COMMD10: variants seen among roughly 807,000 people sequenced by gnomAD.
The protein encoded by COMMD10 is COMM domain containing 10.
A neutral mutation model predicts 28.9 loss-of-function variants in COMMD10; 33 were observed. The ratio of observed to expected loss-of-function variants is 1.14; its 90% CI spans 0.87 to 1.53. COMMD10 has a LOEUF of 1.53. COMMD10 is among the 40% of genes most tolerant of loss of function. The probability of loss-of-function intolerance (pLI) is 0.00; values close to 1 mark genes in which losing one functional copy is unlikely to be tolerated. For synonymous variants in COMMD10, 110 were observed against 81.7 expected, an observed-to-expected ratio of 1.35 and a Z score of -1.87; for missense variants, 310 against 233.4, an observed-to-expected ratio of 1.33 and a Z score of -2.14.
intron 5 of COMMD10, among the ~76,000 whole-genome samples, chr5:116,272,768 G>A (rs1036013240): frequency 1.3e-5 from 2 of 151,980 alleles, no homozygotes. Context: ...CATCCATCTA[G>A]TGGACAGTTT....
intron 5 of COMMD10, among the ~76,000 whole-genome samples, chr5:116,165,250 C>A (rs556523078): frequency 5.3e-5 from 8 of 152,124 alleles, no homozygotes; most frequent in Non-Finnish European, 7.4e-5. Flanking sequence ...TTTAAAATAT[C>A]CCCTTAATCG....
chr5:116,085,092 A>G lies in COMMD10; in HGVS notation c.40A>G (p.Ser14Gly). The G allele has an allele frequency of 6.2e-7, 1 of 1,609,922 alleles. No individual in the cohort carries two copies. The highest frequency in any genetic ancestry group is 8.5e-7 in the Non-Finnish European group (1 of 1,178,950). The change falls in exon 1 of 7, where the codon AGC becomes GGC. Residue 14 changes from serine (S) to glycine (G), a missense_variant and splice_region_variant. Physicochemically the swap from Ser to Gly is moderately conservative, Grantham distance 56 (BLOSUM62 0). Coordinates refer to ENST00000274458, the MANE Select transcript of COMMD10 (RefSeq NM_016144.4). ...GGCGCTGATCCTACGGGAGAGCCCC[A>G]GGTAGCTGATCCGTTAAGCTCTTGC... ...PAALILRESP[S>G]MKKAVSLINA...
chr5:116,285,661 A>G (rs761012870), intron 5 of COMMD10, among the ~76,000 whole-genome samples: 3 of 152,094 alleles, frequency 2.0e-5, no homozygotes, highest in Non-Finnish European at 2.9e-5. Context: ...ACACTAATCA[A>G]TTTTCATATG....
At chr5:116,270,866 G>A (rs1750734123) in intron 5 of COMMD10, among the ~76,000 whole-genome samples, 1 of 148,796 alleles carries the variant, frequency 6.7e-6, no homozygotes, top group Non-Finnish European at 1.5e-5. Flanking sequence ...TTGTACCTGG[G>A]AGGTGGAGGT....
intron 5 of COMMD10, among the ~76,000 whole-genome samples, chr5:116,212,798 G>T (rs1299744274): frequency 6.6e-6 from 1 of 151,974 alleles, no homozygotes; most frequent in African/African-American, 2.4e-5. Context: ...GAAAATGTAT[G>T]TTAGAATTTT....
At chr5:116,116,578 T>C (rs1302893923) in intron 4 of COMMD10, among the ~76,000 whole-genome samples, 1 of 152,234 alleles carries the variant, frequency 6.6e-6, no homozygotes, top group African/African-American at 2.4e-5. Context: ...AGTTTCGGTA[T>C]GTTATGTAAA....
intron 5 of COMMD10, among the ~76,000 whole-genome samples, chr5:116,199,205 G>A (rs1183674213): frequency 1.3e-5 from 2 of 152,092 alleles, no homozygotes; most frequent in African/African-American, 4.8e-5. Flanking sequence ...TTTCTCTACT[G>A]ACATACGGTG....
intron 4 of COMMD10, among the ~76,000 whole-genome samples, chr5:116,098,540 A>G (rs1750541464): frequency 6.6e-6 from 1 of 152,246 alleles, no homozygotes; most frequent in Non-Finnish European, 1.5e-5. Flanking sequence ...CACAGAAATG[A>G]TGTGTTGTCA....
intron 5 of COMMD10, among the ~76,000 whole-genome samples, chr5:116,187,847 T>A (rs1024024109): frequency 6.6e-6 from 1 of 151,974 alleles, no homozygotes; most frequent in Non-Finnish European, 1.5e-5. Flanking sequence ...GTACTTTCTT[T>A]ATACCTTACA....
chr5:116,266,436 A>G (rs893502197), intron 5 of COMMD10, among the ~76,000 whole-genome samples: 1 of 151,746 alleles, frequency 6.6e-6, no homozygotes, highest in Non-Finnish European at 1.5e-5. Flanking sequence ...TTTATTTCAT[A>G]TGAAAATATT....
At chr5:116,259,118 A>G (rs1005316249) in intron 5 of COMMD10, among the ~76,000 whole-genome samples, 8 of 139,232 alleles carry the variant, frequency 5.7e-5, no homozygotes, top group African/African-American at 2.2e-4. Context: ...GCTGGGATGC[A>G]GTGATGCAAT....
intron 4 of COMMD10, among the ~76,000 whole-genome samples, chr5:116,130,225 T>C (rs956396929): frequency 6.6e-6 from 1 of 151,890 alleles, no homozygotes; most frequent in African/African-American, 2.4e-5. Flanking sequence ...GACATTATTT[T>C]AAGTGCTCCG....
chr5:116,290,717 TCTC>T (rs1481819981), intron 5 of COMMD10, among the ~76,000 whole-genome samples: 2 of 151,950 alleles, frequency 1.3e-5, no homozygotes, highest in Non-Finnish European at 2.9e-5. Context: ...CTTGGCATTT[TCTC>T]CTCATTAACT....
chr5:116,285,249 C>G (rs1398334205), intron 5 of COMMD10, among the ~76,000 whole-genome samples: 4 of 151,892 alleles, frequency 2.6e-5, no homozygotes, highest in Non-Finnish European at 5.9e-5. Flanking sequence ...TAAATGTGCT[C>G]TATACTCCTT....
In COMMD10 at chr5:116,087,591, T is replaced by G. The variant is rs765584441; in HGVS notation, c.132+4T>G. ...TCTTCAAAAACTTCACCTGAAGGTT[T>G]GTATTTGTGTGTTTCCATGCCTTGT... is the stretch of plus-strand genomic sequence containing the variant. On this transcript the variant is annotated splice_donor_region_variant and intron_variant, in intron 2 of 6. Transcript: ENST00000274458. 1 of 1,568,186 alleles carries G rather than the reference T, an allele frequency of 6.4e-7. No homozygotes were observed. Among genetic ancestry groups the G allele is most frequent in the South Asian group, 1.1e-5 (1 of 90,128 alleles).
chr5:116,108,551 C>T (rs566205015), intron 4 of COMMD10, among the ~76,000 whole-genome samples: 10 of 152,200 alleles, frequency 6.6e-5, no homozygotes, highest in Non-Finnish European at 1.0e-4. Context: ...CCACCAAGCT[C>T]GAGCTTCTAG....
intron 5 of COMMD10, among the ~76,000 whole-genome samples, chr5:116,176,500 T>C (rs1372824086): frequency 1.3e-5 from 2 of 152,188 alleles, no homozygotes; most frequent in Non-Finnish European, 2.9e-5. Flanking sequence ...TTTACCACTG[T>C]TATTCCAAGT....
At chr5:116,085,804 A>G (rs560967332) in intron 1 of COMMD10, among the ~76,000 whole-genome samples, 2 of 152,220 alleles carry the variant, frequency 1.3e-5, no homozygotes, top group Non-Finnish European at 2.9e-5. Flanking sequence ...GTATATAGGC[A>G]AAATAGTGTT....
chr5:116,150,128 T>G (rs192647074), intron 5 of COMMD10, among the ~76,000 whole-genome samples: 2,136 of 152,204 alleles, frequency 0.014, 38 homozygotes, highest in African/African-American at 0.034. Context: ...TTTCCCCATT[T>G]CTTGTTTTTG....
Sources: gnomAD v4.1 joint callset for allele counts (sites outside exome capture counted in the v4.1 genomes callset) on GRCh38, gnomAD v4.1.1 for gene constraint, MANE v1.5 for transcripts, NCBI Gene and HGNC (gene_info 2026-07-23, HGNC 2026-07-21) for gene names.